SGCG: variants seen among roughly 807,000 people sequenced by gnomAD.
SGCG encodes gamma-sarcoglycan.
A neutral mutation model predicts 29.3 loss-of-function variants in SGCG; 26 were observed. That is an observed-to-expected ratio of 0.89 (90% CI 0.65 to 1.23). SGCG has a LOEUF of 1.23. SGCG is among the 50% of genes most tolerant of loss of function. The pLI, the probability that SGCG is intolerant of heterozygous loss-of-function variation, is 0.00. For synonymous variants in SGCG, 145 were observed against 129.7 expected, an observed-to-expected ratio of 1.12 and a Z score of -0.80; for missense variants, 353 against 356.0, an observed-to-expected ratio of 0.99 and a Z score of 0.07.
chr13:23,244,872 G>A (rs763013811), intron 3 of SGCG: 2 of 152,176 alleles, frequency 1.3e-5, no homozygotes, highest in Middle Eastern at 3.2e-3. Flanking sequence ...GTGGCGTGAA[G>A]GCCCTCCAGC....
At chr13:23,238,989 G>A (rs1410172982) in intron 3 of SGCG, among the ~76,000 whole-genome samples, 1 of 151,982 alleles carries the variant, frequency 6.6e-6, no homozygotes, top group Non-Finnish European at 1.5e-5. Flanking sequence ...AATGTCAAGG[G>A]GCTTTATGTA....
rs1292237858 is a variant in SGCG at position 23,323,166 on chromosome 13, A to ACTG, written c.703-1200_703-1198dup. Among the ~76,000 whole-genome samples, 3 of 152,344 alleles carry ACTG rather than the reference A, an allele frequency of 2.0e-5. No homozygotes were observed. The East Asian group carries it at 5.8e-4, about 29-fold the overall frequency. ...GGAACACAGGTCTTCAGGGGAAGCC[A>ACTG]CTGCAGGTCATAACCTATGAAGTTG... On this transcript the variant is annotated intron_variant, in intron 7 of 7. Transcript: ENST00000218867.
chr13:23,237,899 T>G (rs1879372577), intron 3 of SGCG, among the ~76,000 whole-genome samples: 1 of 152,142 alleles, frequency 6.6e-6, no homozygotes, highest in Non-Finnish European at 1.5e-5. Context: ...ACACTTAAGA[T>G]TCTCAAAGAG....
chr13:23,313,979 C>T (rs2137514771), intron 6 of SGCG, among the ~76,000 whole-genome samples: 1 of 152,258 alleles, frequency 6.6e-6, no homozygotes, highest in Non-Finnish European at 1.5e-5. Flanking sequence ...TGGACGCTTC[C>T]TGCCCTTGAA....
chr13:23,275,859 T>A lies in SGCG; in HGVS notation c.386-3500T>A, dbSNP rs946884915. Among the ~76,000 whole-genome samples, 23 of 152,332 alleles carry A rather than the reference T, an allele frequency of 1.5e-4. 1 individual carries two copies. Among genetic ancestry groups the A allele is most frequent in the Admixed American group, 1.3e-3 (20 of 15,300 alleles). ...ACGTTTCCTTTTTTTAAAAGGACTT[T>A]GCAATATTTGTTTCTAAATGATTTT... On this transcript the variant is annotated intron_variant, in intron 4 of 7. Coordinates refer to ENST00000218867, the MANE Select transcript of SGCG (RefSeq NM_000231.3).
intron 4 of SGCG, among the ~76,000 whole-genome samples, chr13:23,262,283 A>G (rs991440466): frequency 6.6e-6 from 1 of 152,044 alleles, no homozygotes; most frequent in Admixed American, 6.6e-5. Context: ...AAGGATTCTC[A>G]TAGACTCAAG....
At chr13:23,320,574 T>G in intron 6 of SGCG, 63 bp from the exon 7 acceptor site, 1 of 1,398,226 alleles carries the variant, frequency 7.2e-7, no homozygotes, top group Non-Finnish European at 9.9e-7. Flanking sequence ...GTTGAGGGAT[T>G]GCTGGAGTGG....
the SGCG span, among the ~76,000 whole-genome samples, chr13:23,174,397 T>TA: frequency 5.9e-5 from 9 of 152,088 alleles, no homozygotes; most frequent in African/African-American, 2.2e-4. Context: ...GGAAGATAGT[T>TA]AAAAAACAAG....
chr13:23,208,450 C>T (rs185697722), intron 2 of SGCG, among the ~76,000 whole-genome samples: 5 of 151,902 alleles, frequency 3.3e-5, no homozygotes, highest in African/African-American at 4.8e-5. Context: ...ACAAGATGAA[C>T]GCATAAGGAC....
rs540413325 is a variant in SGCG at position 23,181,623 on chromosome 13, T to C, written c.-1+548T>C. 7.2e-5 allele frequency among the ~76,000 whole-genome samples: 11 copies of C among 152,314 alleles called. No homozygotes were observed. The East Asian group carries it at 1.9e-3, about 27-fold the overall frequency. ...TATTTTTGGAGTGAAAAGGGAAGAA[T>C]GTTTCTTTCCCTAAATCTGGAAAAT... is the stretch of plus-strand genomic sequence containing the variant. On this transcript the variant is annotated intron_variant, in intron 1 of 7. Coordinates refer to ENST00000218867, the MANE Select transcript of SGCG (RefSeq NM_000231.3).
intron 1 of SGCG, among the ~76,000 whole-genome samples, chr13:23,185,834 G>C (rs915848368): frequency 1.3e-5 from 2 of 152,178 alleles, no homozygotes; most frequent in Non-Finnish European, 2.9e-5. Context: ...CTCGTCATCA[G>C]CCATCACTTC....
upstream of SGCG, among the ~76,000 whole-genome samples, chr13:23,180,049 G>A (rs1246261051): frequency 6.6e-6 from 1 of 151,854 alleles, no homozygotes. Flanking sequence ...CCTCAAGCAG[G>A]CCCCAGTATC....
At position 23,320,722 on chromosome 13, in the gene SGCG, T is replaced by G. The variant is rs764741894; in HGVS notation, c.664T>G (p.Ser222Ala). 1.2e-6 allele frequency: 2 copies of G among 1,613,816 alleles called. No individual in the cohort carries two copies. The highest frequency in any genetic ancestry group is 2.7e-5 in the African/African-American group (2 of 74,994). The change falls in exon 7 of 8, where the codon TCT becomes GCT. Residue 222 changes from serine to alanine, a missense_variant. By Grantham distance (99) the Ser-to-Ala change is moderately conservative (BLOSUM62 1). Coordinates refer to ENST00000218867, the MANE Select transcript of SGCG (RefSeq NM_000231.3). The stretch of plus-strand genomic sequence containing the variant: ...TCACGCTGGGAAAATTGAGGCGCTT[T>G]CTCAAATGGATATTCTTTTTCATAG... ...QAHAGKIEAL[S>A]QMDILFHSSD...
chr13:23,191,461 A>T (rs1877248156), intron 1 of SGCG, among the ~76,000 whole-genome samples: 1 of 152,206 alleles, frequency 6.6e-6, no homozygotes, highest in African/African-American at 2.4e-5. Flanking sequence ...CCAAGACCAG[A>T]TGTCAAAACC....
intron 4 of SGCG, among the ~76,000 whole-genome samples, chr13:23,261,280 A>T (rs1593203800): frequency 6.6e-6 from 1 of 152,078 alleles, no homozygotes; most frequent in African/African-American, 2.4e-5. Context: ...GAGTAAAAAA[A>T]AATCTCTAAA....
intron 2 of SGCG, chr13:23,217,487 A>G (rs1356737096): frequency 2.0e-5 from 3 of 152,056 alleles, no homozygotes; most frequent in African/African-American, 4.8e-5. Flanking sequence ...CGCCACGTCA[A>G]TCTTTTCTGA....
chr13:23,286,530 G>C, intron 5 of SGCG, among the ~76,000 whole-genome samples: 1 of 152,138 alleles, frequency 6.6e-6, no homozygotes, highest in East Asian at 1.9e-4. Flanking sequence ...ATTATCTTCA[G>C]GGGATACGTT....
intron 6 of SGCG, among the ~76,000 whole-genome samples, chr13:23,300,103 A>G (rs1005626684): frequency 2.0e-5 from 3 of 152,270 alleles, no homozygotes; most frequent in African/African-American, 4.8e-5. Flanking sequence ...GTGTAACACC[A>G]TAAGGATGTG....
intron 1 of SGCG, among the ~76,000 whole-genome samples, chr13:23,185,983 C>A (rs1444615683): frequency 2.0e-5 from 3 of 152,226 alleles, no homozygotes; most frequent in Non-Finnish European, 4.4e-5. Flanking sequence ...TGATTGATCT[C>A]TTTTCCTGGG....
Sources: gnomAD v4.1 joint callset for allele counts (sites outside exome capture counted in the v4.1 genomes callset) on GRCh38, gnomAD v4.1.1 for gene constraint, MANE v1.5 for transcripts, NCBI Gene and HGNC (gene_info 2026-07-23, HGNC 2026-07-21) for gene names.